Variants in TUBB8B observed in about 807,000 individuals in gnomAD.
TUBB8B encodes the protein tubulin beta 8B.
In TUBB8B, 26 loss-of-function variants were observed where a neutral mutation model predicts 31.9. The observed-to-expected ratio is 0.81, with a 90% CI of 0.60 to 1.13. TUBB8B has a LOEUF of 1.13. Among genes scored for constraint, TUBB8B ranks in the 50% most tolerant of loss-of-function variants. The probability of loss-of-function intolerance (pLI) is 0.00; values close to 1 mark genes in which losing one functional copy is unlikely to be tolerated. For synonymous variants in TUBB8B, 173 were observed against 231.0 expected (o/e 0.75, Z 2.28); for missense variants, 467 against 586.7 (o/e 0.80, Z 2.11).
Position 48,979 on chromosome 18 carries a change from G to A in TUBB8B, c.238C>T (p.Pro80Ser), listed in dbSNP as rs746658044. The change falls in exon 3 of 4, where the codon CCC becomes TCC. Residue 80 changes from proline (P) to serine (S), a missense_variant. Pro to Ser is a moderately conservative substitution (Grantham distance 74). Coordinates refer to ENST00000308911, the MANE Select transcript of TUBB8B (RefSeq NM_001358689.2). ...TCTGGCCTGAAGACCTGCCCGAAGGGCCCCGAGTGCACAGAGTCCATGGTG... is the reference window on the plus strand; with the variant it reads ...TCTGGCCTGAAGACCTGCCCGAAGGACCCCGAGTGCACAGAGTCCATGGTG... ...PGTMDSVHSGPFGQVFRPDNF... is the reference protein window; with the variant it reads ...PGTMDSVHSGSFGQVFRPDNF... The A allele has an allele frequency of 1.9e-6, 3 of 1,609,080 alleles. No individual in the cohort carries two copies. The highest frequency in any genetic ancestry group is 2.5e-6 in the Non-Finnish European group (3 of 1,177,550).
the TUBB8B span, among the ~76,000 whole-genome samples, chr18:56,595 CT>C: frequency 6.6e-6 from 1 of 151,836 alleles, no homozygotes; most frequent in African/African-American, 2.4e-5. Context: ...AATAGGGTTA[CT>C]TTTTTGAATT....
chr18:48,849 G>T, intron 3 of TUBB8B, 91 bp downstream of exon 3: 2 of 943,964 alleles, frequency 2.1e-6, no homozygotes, highest in Non-Finnish European at 3.5e-6. Flanking sequence ...GGGCCCTGGC[G>T]CCACAGTTCC....
At chr18:72,533 T>C in the TUBB8B span, among the ~76,000 whole-genome samples, 1 of 152,170 alleles carries the variant, frequency 6.6e-6, no homozygotes, top group South Asian at 2.1e-4. Flanking sequence ...TTTGGTTTTG[T>C]TTTCATTTGT....
chr18:63,994 C>A, the TUBB8B span, among the ~76,000 whole-genome samples: 1 of 150,770 alleles, frequency 6.6e-6, no homozygotes, highest in African/African-American at 2.4e-5. Context: ...AACTCTTAAC[C>A]ATGACCCCTA....
the TUBB8B span, among the ~76,000 whole-genome samples, chr18:69,702 G>C: frequency 6.6e-6 from 1 of 152,130 alleles, no homozygotes; most frequent in Non-Finnish European, 1.5e-5. Flanking sequence ...GCTTGTCATT[G>C]GGTCATAAGA....
At chr18:56,772 T>C in the TUBB8B span, among the ~76,000 whole-genome samples, 2 of 151,910 alleles carry the variant, frequency 1.3e-5, no homozygotes, top group Non-Finnish European at 2.9e-5. Flanking sequence ...GGTTAATTTA[T>C]AAAGGAAATA....
At chr18:57,614 A>C in the TUBB8B span, among the ~76,000 whole-genome samples, 6 of 151,854 alleles carry the variant, frequency 4.0e-5, no homozygotes, top group Non-Finnish European at 5.9e-5. Flanking sequence ...GCAAAGTGCA[A>C]GCTGTAGCTA....
rs759707677 is a variant in TUBB8B at position 47,485 on chromosome 18, T to A, written c.1240A>T (p.Asn414Tyr). 20 of 1,544,800 alleles carry A rather than the reference T, an allele frequency of 1.3e-5. No homozygotes were observed. The African/African-American group carries it at 2.6e-4, about 20-fold the overall frequency. ...TATTCAGACACCAGGTCGTTCATGT[T>A]GCTCTCGGCCTCGGTGAATTCCATC... ...DEMEFTEAES[N>Y]MNDLVSEYQQ... Residue 414 changes from asparagine to tyrosine, a missense_variant, in exon 4 of 4, where the codon AAC becomes TAC. By Grantham distance (143) the Asn-to-Tyr change is moderately radical. This residue lies in a region of TUBB8B where 208 missense variants were observed against 206.7 expected (regional missense o/e 1.01). Coordinates refer to ENST00000308911, the MANE Select transcript of TUBB8B (RefSeq NM_001358689.2).
upstream of TUBB8B, chr18:50,394 G>A (rs1416170932): frequency 6.4e-6 from 1 of 156,604 alleles, no homozygotes; most frequent in African/African-American, 2.4e-5. Flanking sequence ...AAAGGTATCG[G>A]AGTACATTAG....
At chr18:60,904 G>A in the TUBB8B span, among the ~76,000 whole-genome samples, 2 of 151,672 alleles carry the variant, frequency 1.3e-5, no homozygotes, top group East Asian at 3.9e-4. Flanking sequence ...TAACCCATGT[G>A]CAGAGAAGAA....
upstream of TUBB8B, among the ~76,000 whole-genome samples, chr18:50,785 CCT>C (rs1315728751): frequency 6.6e-6 from 1 of 152,040 alleles, no homozygotes; most frequent in Non-Finnish European, 1.5e-5. Context: ...CTTCATTGGC[CCT>C]TTCAGTGCAG....
the TUBB8B span, among the ~76,000 whole-genome samples, chr18:54,789 A>G: frequency 6.6e-6 from 1 of 151,908 alleles, no homozygotes; most frequent in Non-Finnish European, 1.5e-5. Flanking sequence ...GTTGATGGAC[A>G]TTTAGGTTTC....
the TUBB8B span, among the ~76,000 whole-genome samples, chr18:61,573 A>G: frequency 4.0e-5 from 6 of 151,416 alleles, no homozygotes; most frequent in African/African-American, 1.5e-4. Context: ...ATATTTTAAT[A>G]TTATCTAATT....
chr18:57,667 A>G, the TUBB8B span, among the ~76,000 whole-genome samples: 1 of 151,732 alleles, frequency 6.6e-6, no homozygotes, highest in Non-Finnish European at 1.5e-5. Context: ...TCCTCTCCTC[A>G]CAGATCTACT....
chr18:73,512 C>G, the TUBB8B span: 4 of 153,412 alleles, frequency 2.6e-5, no homozygotes, highest in African/African-American at 7.2e-5. Context: ...GGTTCGGACA[C>G]GGTTCGCGCG....
chr18:47,358 T>C lies in TUBB8B; in HGVS notation c.*32A>G, dbSNP rs1327037223. ...TCAGAACACAGTAAAGAATCCACAC[T>C]GCTTCCCCCCTTTACCTAGAAAAGG... On this transcript the variant is annotated 3_prime_UTR_variant, in exon 4 of 4. Coordinates refer to ENST00000308911, the MANE Select transcript of TUBB8B (RefSeq NM_001358689.2). 1.4e-6 allele frequency: 1 copy of C among 691,442 alleles called. No individual in the cohort carries two copies. The highest frequency in any genetic ancestry group is 2.5e-6 in the Non-Finnish European group (1 of 399,476). 42.8% of individuals were successfully genotyped at this position (691,442 alleles called of 1,614,324 possible). A position where few individuals can be genotyped will look rare whatever the true frequency, so the allele number is the denominator to read the frequency against.
chr18:66,508 G>T, the TUBB8B span, among the ~76,000 whole-genome samples: 1 of 145,212 alleles, frequency 6.9e-6, no homozygotes, highest in African/African-American at 2.6e-5. Context: ...CCATGATTGT[G>T]CCACAGCACT....
chr18:67,352 G>A, the TUBB8B span, among the ~76,000 whole-genome samples: 1 of 151,428 alleles, frequency 6.6e-6, no homozygotes. Flanking sequence ...TATTACTGTT[G>A]ATTGTTTTTT....
At chr18:66,482 T>TA in the TUBB8B span, among the ~76,000 whole-genome samples, 1 of 145,948 alleles carries the variant, frequency 6.9e-6, no homozygotes, top group South Asian at 2.1e-4. Context: ...GCCCCGGAGA[T>TA]AGAGGCTGAA....
Sources: allele counts gnomAD v4.1 joint callset (sites outside exome capture counted in the v4.1 genomes callset), GRCh38; gene constraint gnomAD v4.1.1; regional missense constraint gnomAD v4.1.1; transcripts MANE v1.5; gene names NCBI Gene and HGNC (gene_info 2026-07-23, HGNC 2026-07-21).